CLTCL1: variants seen among roughly 807,000 people sequenced by gnomAD.
CLTCL1 encodes the protein clathrin heavy chain like 1, also known as clathrin heavy chain 2.
In CLTCL1, 159 loss-of-function variants were observed where a neutral mutation model predicts 190.0. That is an observed-to-expected ratio of 0.84 (90% CI 0.74 to 0.95). The LOEUF (loss-of-function observed/expected upper bound fraction) is 0.95, where lower values mean the gene tolerates loss of function less well. CLTCL1 is among the 40% of genes least tolerant of loss of function. CLTCL1 has a pLI of 0.00. For synonymous variants in CLTCL1, 752 were observed against 769.6 expected (o/e 0.98, Z 0.38); for missense variants, 1,878 against 2,033.4 (o/e 0.92, Z 1.47).
At chr22:19,205,951 G>C (rs1412963631) in intron 22 of CLTCL1, among the ~76,000 whole-genome samples, 1 of 149,282 alleles carries the variant, frequency 6.7e-6, no homozygotes. Flanking sequence ...TTTGACACAG[G>C]CTTCTCACTC....
intron 13 of CLTCL1, among the ~76,000 whole-genome samples, chr22:19,224,509 C>T (rs1407344596): frequency 6.6e-6 from 1 of 152,084 alleles, no homozygotes; most frequent in African/African-American, 2.4e-5. Context: ...AGGGTGAGCC[C>T]CAGAGGACAG....
chr22:19,220,239 C>T (rs2085525749), intron 17 of CLTCL1, among the ~76,000 whole-genome samples: 1 of 152,184 alleles, frequency 6.6e-6, no homozygotes, highest in South Asian at 2.1e-4. Context: ...CAGGGATGTG[C>T]CACATATCTG....
At chr22:19,222,474 C>A (rs2085604725) in intron 15 of CLTCL1, among the ~76,000 whole-genome samples, 1 of 152,306 alleles carries the variant, frequency 6.6e-6, no homozygotes, top group Admixed American at 6.5e-5. Flanking sequence ...TCATGGACTT[C>A]CAGCTTCCAA....
chr22:19,283,392 T>C (rs1053014436), intron 1 of CLTCL1, among the ~76,000 whole-genome samples: 2 of 150,660 alleles, frequency 1.3e-5, no homozygotes, highest in Non-Finnish European at 3.0e-5. Context: ...CCGATTCTCA[T>C]GCCTCAGCCT....
At position 19,278,415 on chromosome 22, in the gene CLTCL1, C is replaced by T. The variant is rs972069342; in HGVS notation, c.43-2585G>A. Among the ~76,000 whole-genome samples, 5 of 152,192 alleles carry T rather than the reference C, an allele frequency of 3.3e-5. No individual in the cohort carries two copies. In the East Asian group the frequency reaches 9.7e-4, roughly 29 times the overall value. On this transcript the variant is annotated intron_variant, in intron 1 of 32. Transcript: ENST00000427926. Reference sequence around the variant, plus strand: ...GAGAATGGTTTGGAAGCCCAGGGCACAGAGCCCCAGGACACACCAAGGCTT... The same window carrying T: ...GAGAATGGTTTGGAAGCCCAGGGCATAGAGCCCCAGGACACACCAAGGCTT...
chr22:19,244,042 A>G lies in CLTCL1; in HGVS notation c.520-1106T>C, dbSNP rs1319894405. On this transcript the variant is annotated intron_variant, in intron 3 of 32. Transcript: ENST00000427926. Reference sequence around the variant, plus strand: ...AAGAATTTCAGTACATTTATATCCAATGTCAAATGCTCAAAAAGCTAAGTG... The same window carrying G: ...AAGAATTTCAGTACATTTATATCCAGTGTCAAATGCTCAAAAAGCTAAGTG... Among the ~76,000 whole-genome samples the G allele has an allele frequency of 5.3e-5, 8 of 152,236 alleles. No homozygotes were observed. In the East Asian group the frequency reaches 5.8e-4, roughly 11 times the overall value.
chr22:19,284,007 A>C (rs1272894941), intron 1 of CLTCL1, among the ~76,000 whole-genome samples: 1 of 151,960 alleles, frequency 6.6e-6, no homozygotes, highest in Non-Finnish European at 1.5e-5. Context: ...AAAAAAAAAA[A>C]AAAAATCTGA....
chr22:19,228,166 C>T (rs1421095527), intron 11 of CLTCL1, among the ~76,000 whole-genome samples: 1 of 152,264 alleles, frequency 6.6e-6, no homozygotes, highest in Non-Finnish European at 1.5e-5. Context: ...AAACACAGTA[C>T]TAAGAGTAGG....
chr22:19,193,940 C>T (rs1367650185), intron 26 of CLTCL1, among the ~76,000 whole-genome samples: 3 of 152,202 alleles, frequency 2.0e-5, no homozygotes, highest in African/African-American at 7.2e-5. Context: ...AACAAAGCTC[C>T]CACAACATGG....
chr22:19,285,616 A>AT (rs1361876182), intron 1 of CLTCL1, among the ~76,000 whole-genome samples: 1 of 152,196 alleles, frequency 6.6e-6, no homozygotes, highest in African/African-American at 2.4e-5. Context: ...GCTTTGTGGC[A>AT]TCCTTCTTCA....
intron 5 of CLTCL1, 50 bp from the exon 6 acceptor site, chr22:19,235,919 T>C (rs1307093714): frequency 6.6e-7 from 1 of 1,507,802 alleles, no homozygotes; most frequent in Admixed American, 2.0e-5. Context: ...GGAGAAGCCA[T>C]GCGGGTAAAA....
Position 19,191,333 on chromosome 22 carries a change from G to T in CLTCL1, c.4294C>A (p.His1432Asn). ...GAAAAGAAACTGACTGTCCAGGTGT[G>T]GTCCAGCCGGGGTGAAAGCACCAGC... ...LLLVLSPRLDHTWTVSFFSKA... is the reference protein window; with the variant it reads ...LLLVLSPRLDNTWTVSFFSKA... The change falls in exon 27 of 33, where the codon CAC (histidine) becomes AAC (asparagine). Residue 1432 changes from histidine (H) to asparagine (N), a missense_variant. Coordinates refer to ENST00000427926, the MANE Select transcript of CLTCL1 (RefSeq NM_007098.4). 1 of 1,613,998 alleles carries T rather than the reference G, an allele frequency of 6.2e-7. No individual in the cohort carries two copies. Among genetic ancestry groups the T allele is most frequent in the East Asian group, 2.2e-5 (1 of 44,884 alleles).
At chr22:19,260,779 CAAAAAAAAAAAA>C (rs34267370) in intron 2 of CLTCL1, among the ~76,000 whole-genome samples, 2 of 56,924 alleles carry the variant, frequency 3.5e-5, no homozygotes, top group Non-Finnish European at 6.3e-5. Flanking sequence ...AACTCTGTCT[CAAAAAAAAAAAA>C]AAAAAAAAAA....
chr22:19,289,087 G>A (rs1333557846), intron 1 of CLTCL1, among the ~76,000 whole-genome samples: 2 of 152,186 alleles, frequency 1.3e-5, no homozygotes, highest in South Asian at 2.1e-4. Flanking sequence ...GGGTTCAAGA[G>A]ATTCTCCCGC....
At chr22:19,233,805 T>C (rs1555960512) in intron 7 of CLTCL1, among the ~76,000 whole-genome samples, 183 bp from the exon 8 acceptor site, 2 of 152,196 alleles carry the variant, frequency 1.3e-5, no homozygotes, top group Non-Finnish European at 2.9e-5. Flanking sequence ...TATAGGGGAA[T>C]CTAGGTCCTC....
intron 6 of CLTCL1, among the ~76,000 whole-genome samples, chr22:19,235,128 C>T (rs2086039235): frequency 1.3e-5 from 2 of 151,900 alleles, no homozygotes; most frequent in Admixed American, 1.3e-4. Context: ...TCTCAGCCTT[C>T]CAAAGTGCTG....
chr22:19,219,338 C>A (rs1462498005), intron 18 of CLTCL1, among the ~76,000 whole-genome samples: 6 of 148,810 alleles, frequency 4.0e-5, no homozygotes, highest in Non-Finnish European at 3.0e-5. Context: ...TACAAGCATG[C>A]GCCACACAGT....
intron 22 of CLTCL1, among the ~76,000 whole-genome samples, chr22:19,207,162 G>A (rs1442385612): frequency 6.6e-6 from 1 of 151,888 alleles, no homozygotes; most frequent in South Asian, 2.1e-4. Context: ...GACTACAGGC[G>A]TGTGCCACCA....
intron 2 of CLTCL1, among the ~76,000 whole-genome samples, chr22:19,266,889 C>G (rs782593143): frequency 4.6e-5 from 7 of 152,190 alleles, no homozygotes; most frequent in Non-Finnish European, 1.0e-4. Context: ...CAGCCAACAT[C>G]ATATTTAATT....
Sources: allele counts gnomAD v4.1 joint callset (sites outside exome capture counted in the v4.1 genomes callset), GRCh38; gene constraint gnomAD v4.1.1; transcripts MANE v1.5; gene names NCBI Gene and HGNC (gene_info 2026-07-23, HGNC 2026-07-21).